SNCAIP: variants seen among roughly 807,000 people sequenced by gnomAD.
SNCAIP encodes synuclein alpha interacting protein, also known as synphilin-1.
SNCAIP carries 43 observed loss-of-function variants against 86.7 expected under a neutral mutation model. The ratio of observed to expected loss-of-function variants is 0.50; its 90% CI spans 0.39 to 0.64. The LOEUF is 0.64. Among genes scored for constraint, SNCAIP ranks in the 30% least tolerant of loss-of-function variants. The pLI, the probability that SNCAIP is intolerant of heterozygous loss-of-function variation, is 0.00. For missense variants in SNCAIP, 981 were observed against 1,103.1 expected (o/e 0.89, Z 1.57); for synonymous variants, 417 against 427.2 (o/e 0.98, Z 0.29).
At chr5:122,451,890 G>T (rs1581396324) in intron 10 of SNCAIP, 1 of 353,304 alleles carries the variant, frequency 2.8e-6, no homozygotes, top group Non-Finnish European at 5.2e-6. Flanking sequence ...TTAGGTGTTA[G>T]GGTCCTAGAC....
intron 1 of SNCAIP, among the ~76,000 whole-genome samples, chr5:122,387,653 C>T (rs1274609966): frequency 6.6e-6 from 1 of 152,184 alleles, no homozygotes; most frequent in Non-Finnish European, 1.5e-5. Context: ...CCTGGAGTCA[C>T]AGCAGTGAAG....
chr5:122,423,413 C>G lies in SNCAIP; in HGVS notation c.676C>G (p.His226Asp). ...CTTGAGAAAAGCATCAGCTGTCATC[C>G]ACGACCAGCACAAGCTGTCCACTGA... Reference protein sequence around the residue: ...PHLRKASAVIHDQHKLSTEET... With the variant: ...PHLRKASAVIDDQHKLSTEET... Residue 226 changes from histidine (H) to aspartate (D), a missense_variant, in exon 4 of 11, where the codon CAC becomes GAC. By Grantham distance (81) the His-to-Asp change is moderately conservative (BLOSUM62 -1). Transcript: ENST00000261368. 6.2e-7 allele frequency: 1 copy of G among 1,613,864 alleles called. No homozygotes were observed. Among genetic ancestry groups the G allele is most frequent in the Non-Finnish European group, 8.5e-7 (1 of 1,179,810 alleles).
At chr5:122,360,197 G>C (rs907096799) in intron 1 of SNCAIP, among the ~76,000 whole-genome samples, 1 of 152,062 alleles carries the variant, frequency 6.6e-6, no homozygotes, top group African/African-American at 2.4e-5. Flanking sequence ...TAAACGTTTC[G>C]GAACATGGCC....
intron 7 of SNCAIP, chr5:122,441,208 G>A (rs1019320045): frequency 5.5e-6 from 1 of 180,280 alleles, no homozygotes; most frequent in Admixed American, 5.5e-5. Flanking sequence ...GGGAGTTGTA[G>A]GCTAGAGAGA....
intron 8 of SNCAIP, 61 bp downstream of exon 8, chr5:122,444,793 T>A (rs1781922566): frequency 7.3e-7 from 1 of 1,366,410 alleles, no homozygotes; most frequent in African/African-American, 1.4e-5. Context: ...TACTTAGGCT[T>A]CAGCCCCATG....
At chr5:122,404,616 C>T (rs904590215) in intron 3 of SNCAIP, among the ~76,000 whole-genome samples, 8 of 152,154 alleles carry the variant, frequency 5.3e-5, no homozygotes, top group African/African-American at 1.4e-4. Context: ...AGTAATTACT[C>T]TATGGCATCA....
At position 122,377,149 on chromosome 5, in the gene SNCAIP, A is replaced by G. The variant is rs191236039; in HGVS notation, c.-46-13940A>G. Among the ~76,000 whole-genome samples the G allele has an allele frequency of 2.6e-3, 398 of 152,256 alleles. 1 individual carries two copies. Among genetic ancestry groups the G allele is most frequent in the Non-Finnish European group, 4.3e-3 (292 of 68,004 alleles). On this transcript the variant is annotated intron_variant, in intron 1 of 10. Coordinates refer to ENST00000261368, the MANE Select transcript of SNCAIP (RefSeq NM_005460.4). ...ACTTGCGAGATCTTTAGATTCTTAG[A>G]GAGGAAAGCTTTTTTCTCTTCACCA...
intron 1 of SNCAIP, among the ~76,000 whole-genome samples, chr5:122,314,358 C>T (rs539140107): frequency 6.6e-6 from 1 of 152,216 alleles, no homozygotes; most frequent in African/African-American, 2.4e-5. Context: ...GGAGCAGGTG[C>T]ATCATTATAG....
intron 10 of SNCAIP, among the ~76,000 whole-genome samples, chr5:122,461,804 T>C (rs1786391189): frequency 6.6e-6 from 1 of 151,340 alleles, no homozygotes; most frequent in Non-Finnish European, 1.5e-5. Flanking sequence ...TCAGCCTCCA[T>C]AACTGGGACT....
chr5:122,313,562 TG>T (rs1751091572), intron 1 of SNCAIP, among the ~76,000 whole-genome samples: 1 of 152,280 alleles, frequency 6.6e-6, no homozygotes, highest in Non-Finnish European at 1.5e-5. Context: ...GGTTGAAATC[TG>T]TATTTCATTT....
In SNCAIP at chr5:122,451,609, C is replaced by T. The variant is rs754696970; in HGVS notation, c.2754+8C>T. The T allele has an allele frequency of 6.4e-7, 1 of 1,551,436 alleles. No individual in the cohort carries two copies. The highest frequency in any genetic ancestry group is 1.1e-5 in the South Asian group (1 of 89,848). The stretch of plus-strand genomic sequence containing the variant: ...AAAGGAAAGAATAAGGCAGTAAGTG[C>T]TATTTGGAGAATATTCTTTTTTTTC... On this transcript the variant is annotated splice_region_variant and intron_variant, in intron 10 of 10. Transcript: ENST00000261368.
chr5:122,340,485 C>T (rs1757342022), intron 1 of SNCAIP, among the ~76,000 whole-genome samples: 1 of 152,164 alleles, frequency 6.6e-6, no homozygotes, highest in African/African-American at 2.4e-5. Context: ...CCAATACAAA[C>T]TTCTCTGTTC....
At chr5:122,327,333 G>A (rs769456452) in intron 1 of SNCAIP, among the ~76,000 whole-genome samples, 7 of 152,154 alleles carry the variant, frequency 4.6e-5, no homozygotes, top group Non-Finnish European at 7.4e-5. Flanking sequence ...GTTCTTTAGA[G>A]TAATTGATGA....
chr5:122,367,797 C>T (rs1763478933), intron 1 of SNCAIP, among the ~76,000 whole-genome samples: 1 of 152,134 alleles, frequency 6.6e-6, no homozygotes, highest in African/African-American at 2.4e-5. Context: ...GTATAGCACT[C>T]TGCATCCTTC....
At chr5:122,461,506 TC>T (rs1786227036) in intron 10 of SNCAIP, among the ~76,000 whole-genome samples, 1 of 152,130 alleles carries the variant, frequency 6.6e-6, no homozygotes, top group African/African-American at 2.4e-5. Flanking sequence ...TTCTAATGAT[TC>T]TTCTCTATTT....
At chr5:122,325,066 T>C (rs1269873642) in intron 1 of SNCAIP, among the ~76,000 whole-genome samples, 1 of 152,192 alleles carries the variant, frequency 6.6e-6, no homozygotes, top group East Asian at 1.9e-4. Context: ...CTCAGTATTT[T>C]GATATGGTTT....
At chr5:122,432,108 TC>T (rs773247837) in intron 6 of SNCAIP, 26 bp downstream of exon 6, 1 of 924,322 alleles carries the variant, frequency 1.1e-6, no homozygotes, top group African/African-American at 1.6e-5. Context: ...TTAAGTATCT[TC>T]CCTTTGTGTA....
chr5:122,350,064 G>A (rs1481148686), intron 1 of SNCAIP, among the ~76,000 whole-genome samples: 1 of 152,190 alleles, frequency 6.6e-6, no homozygotes, highest in Non-Finnish European at 1.5e-5. Flanking sequence ...GGACATAATG[G>A]TGGGAAGAAT....
In SNCAIP at chr5:122,431,703, A is replaced by G; in HGVS notation, c.1183-266A>G. On this transcript the variant is annotated intron_variant, in intron 5 of 10. Coordinates refer to ENST00000261368, the MANE Select transcript of SNCAIP (RefSeq NM_005460.4). Reference sequence around the variant, plus strand: ...TTTAAAAGATTATATTTTATAGTATACAAATTATACCTTACTAAAGTGAAT... The same window carrying G: ...TTTAAAAGATTATATTTTATAGTATGCAAATTATACCTTACTAAAGTGAAT... Among the ~76,000 whole-genome samples, 2 of 152,316 alleles carry G rather than the reference A, an allele frequency of 1.3e-5. 1 individual carries two copies. The highest frequency in any genetic ancestry group is 6.8e-3 in the Middle Eastern group (2 of 294).
Sources: gnomAD v4.1 joint callset for allele counts (sites outside exome capture counted in the v4.1 genomes callset) on GRCh38, gnomAD v4.1.1 for gene constraint, MANE v1.5 for transcripts, NCBI Gene and HGNC (gene_info 2026-07-23, HGNC 2026-07-21) for gene names.